Variants in OPHN1 observed in about 807,000 individuals in gnomAD.
OPHN1 encodes the protein oligophrenin-1.
Under a neutral mutation model 60.7 loss-of-function variants are expected in OPHN1, and 11 were observed. The observed-to-expected ratio is 0.18, with a 90% CI of 0.11 to 0.30. OPHN1 has a LOEUF of 0.30. OPHN1 is among the 10% of genes least tolerant of loss of function. The probability of loss-of-function intolerance (pLI) is 1.00; values close to 1 mark genes in which losing one functional copy is unlikely to be tolerated. For synonymous variants in OPHN1, 226 were observed against 222.6 expected, an observed-to-expected ratio of 1.02 and a Z score of -0.14; for missense variants, 449 against 611.0, an observed-to-expected ratio of 0.73 and a Z score of 2.80.
chrX:68,340,911 CAGG>C (rs947691012), intron 2 of OPHN1, among the ~76,000 whole-genome samples: 7 of 107,353 alleles, frequency 6.5e-5, no homozygotes, highest in Admixed American at 2.0e-4. Context: ...GAGGCTGAGG[CAGG>C]AGAACCGCTT....
chrX:68,422,709 GAGAA>G (rs761115828), intron 2 of OPHN1, among the ~76,000 whole-genome samples: 2 of 81,466 alleles, frequency 2.5e-5, no homozygotes, highest in African/African-American at 9.5e-5. Context: ...AAGAGAGAGA[GAGAA>G]AGAAAGAAAG....
upstream of OPHN1, chrX:68,433,788 G>A (rs1034194740): frequency 4.0e-5 from 12 of 296,336 alleles, no homozygotes; most frequent in African/African-American, 2.7e-4. Context: ...GAAGAGGAGG[G>A]CGAGAGCGCG....
chrX:68,274,368 T>C (rs991310324), intron 5 of OPHN1, among the ~76,000 whole-genome samples: 1 of 112,066 alleles, frequency 8.9e-6, no homozygotes, highest in African/African-American at 3.2e-5. Context: ...GATAGCTAGC[T>C]AGTTTTCCAG....
At chrX:68,192,655 C>T in intron 15 of OPHN1, 1 of 359,796 alleles carries the variant, frequency 2.8e-6, no homozygotes, top group Non-Finnish European at 4.9e-6. Flanking sequence ...CCTGGCCACA[C>T]AGTTCCAGTT....
At chrX:68,055,959 G>T (rs2076871269) in intron 21 of OPHN1, among the ~76,000 whole-genome samples, 1 of 110,994 alleles carries the variant, frequency 9.0e-6, no homozygotes, top group Admixed American at 9.6e-5. Flanking sequence ...GTCATGGGGT[G>T]GGAGGAGCGG....
intron 18 of OPHN1, among the ~76,000 whole-genome samples, chrX:68,097,880 C>A (rs983622516): frequency 1.8e-5 from 2 of 110,975 alleles, no homozygotes; most frequent in Non-Finnish European, 3.8e-5. Context: ...AAATAGCACC[C>A]ACTTCAGAGA....
chrX:68,091,551 C>T (rs2077018383), intron 19 of OPHN1, among the ~76,000 whole-genome samples: 1 of 111,183 alleles, frequency 9.0e-6, no homozygotes, highest in African/African-American at 3.3e-5. Flanking sequence ...CCATGGCATG[C>T]GAAAAGAGGC....
At chrX:68,213,376 A>G (rs2077593562) in intron 7 of OPHN1, among the ~76,000 whole-genome samples, 1 of 110,687 alleles carries the variant, frequency 9.0e-6, no homozygotes, top group South Asian at 3.9e-4. Context: ...ATATATGGAA[A>G]TGGAAAAATC....
chrX:68,328,689 T>C (rs1261455914), intron 2 of OPHN1, among the ~76,000 whole-genome samples: 1 of 111,410 alleles, frequency 9.0e-6, no homozygotes, highest in African/African-American at 3.3e-5. Context: ...AAATACTAAC[T>C]TCTAAAATAT....
chrX:68,363,224 G>A (rs2147720452), intron 2 of OPHN1, among the ~76,000 whole-genome samples: 1 of 110,404 alleles, frequency 9.1e-6, no homozygotes, highest in African/African-American at 3.3e-5. Flanking sequence ...TCCAGCCTGG[G>A]CAATAGAGCA....
chrX:68,116,898 G>A (rs1254414550), intron 16 of OPHN1, among the ~76,000 whole-genome samples: 1 of 110,901 alleles, frequency 9.0e-6, no homozygotes, highest in Non-Finnish European at 1.9e-5. Flanking sequence ...AATATCTACT[G>A]CTACTCCCTA....
intron 19 of OPHN1, among the ~76,000 whole-genome samples, chrX:68,094,886 C>G (rs950577481): frequency 9.0e-6 from 1 of 111,369 alleles, no homozygotes; most frequent in African/African-American, 3.3e-5. Flanking sequence ...ACCATTTCCT[C>G]AGCCTAGAAT....
intron 2 of OPHN1, among the ~76,000 whole-genome samples, chrX:68,311,387 C>T (rs1193012351): frequency 8.9e-6 from 1 of 112,306 alleles, no homozygotes; most frequent in Non-Finnish European, 1.9e-5. Flanking sequence ...AACATACAAG[C>T]AACAAACATG....
chrX:68,094,764 C>T (rs2077031882), intron 19 of OPHN1, among the ~76,000 whole-genome samples: 1 of 111,172 alleles, frequency 9.0e-6, no homozygotes, highest in African/African-American at 3.3e-5. Context: ...ATTATCTCTT[C>T]GAGCCCATCT....
chrX:68,182,210 T>TTTC (rs2077440962), intron 15 of OPHN1, among the ~76,000 whole-genome samples: 1 of 102,309 alleles, frequency 9.8e-6, no homozygotes. Flanking sequence ...TTTTTTTTTT[T>TTTC]TCCTATGATG....
intron 2 of OPHN1, among the ~76,000 whole-genome samples, chrX:68,375,746 G>T (rs2078553597): frequency 9.1e-6 from 1 of 109,892 alleles, no homozygotes; most frequent in Non-Finnish European, 1.9e-5. Context: ...TAGAGACGGG[G>T]TCTTCCTATG....
intron 2 of OPHN1, among the ~76,000 whole-genome samples, chrX:68,319,431 G>C (rs944172590): frequency 1.8e-5 from 2 of 110,627 alleles, no homozygotes; most frequent in Non-Finnish European, 3.8e-5. Flanking sequence ...CCAAAATCAT[G>C]ACCTATAAAA....
At chrX:68,062,622 G>A (rs2076897299) in intron 21 of OPHN1, among the ~76,000 whole-genome samples, 1 of 112,032 alleles carries the variant, frequency 8.9e-6, no homozygotes, top group South Asian at 3.7e-4. Flanking sequence ...TCTTCGGCAT[G>A]TAGAATGGGG....
At position 68,393,150 on chromosome X, in the gene OPHN1, C is replaced by T. The variant is rs756159153; in HGVS notation, c.154+39717G>A. 5.3e-5 allele frequency among the ~76,000 whole-genome samples: 6 copies of T among 112,420 alleles called. No individual in the cohort carries two copies. The East Asian group carries it at 1.1e-3, about 21-fold the overall frequency. ...CGCTTCCCGTAAGGGGTTTGAGCAG[C>T]GGCAGCGACTGAACAGATGAGCCAC... On this transcript the variant is annotated intron_variant, in intron 2 of 24. Transcript: ENST00000355520.
Sources: gnomAD v4.1 joint callset for allele counts (sites outside exome capture counted in the v4.1 genomes callset) on GRCh38, gnomAD v4.1.1 for gene constraint, MANE v1.5 for transcripts, NCBI Gene and HGNC (gene_info 2026-07-23, HGNC 2026-07-21) for gene names.